FLRT1: variants seen among roughly 807,000 people sequenced by gnomAD.
FLRT1 encodes fibronectin leucine rich transmembrane protein 1.
FLRT1 carries 14 observed loss-of-function variants against 30.9 expected under a neutral mutation model. The observed-to-expected ratio is 0.45, with a 90% CI of 0.30 to 0.71. FLRT1 has a LOEUF of 0.71. Among genes scored for constraint, FLRT1 ranks in the 30% least tolerant of loss-of-function variants. The pLI is 0.08. For missense variants in FLRT1, 737 were observed against 949.2 expected (o/e 0.78, Z 2.94); for synonymous variants, 368 against 430.4 (o/e 0.85, Z 1.80).
At position 64,067,290 on chromosome 11, in the gene FLRT1, C is replaced by T. The variant is rs1168705278; in HGVS notation, c.-1038+31131C>T. On this transcript the variant is annotated intron_variant, in intron 1 of 2. Coordinates refer to ENST00000682287, the MANE Select transcript of FLRT1 (RefSeq NM_013280.5). The surrounding 1 kb of genome is among the most constrained non-coding windows in gnomAD (Gnocchi z 4.6). ...AGGGAGGGAAGGAGCATCATTAACACGACATGGCCTCCTCCCCACTGCTCA... is the reference window on the plus strand; with the variant it reads ...AGGGAGGGAAGGAGCATCATTAACATGACATGGCCTCCTCCCCACTGCTCA... 2.0e-5 allele frequency among the ~76,000 whole-genome samples: 3 copies of T among 152,158 alleles called. No homozygotes were observed. The highest frequency in any genetic ancestry group is 1.9e-4 in the East Asian group (1 of 5,182).
intron 1 of FLRT1, among the ~76,000 whole-genome samples, chr11:64,078,449 G>A (rs959087882): frequency 2.6e-5 from 4 of 152,188 alleles, no homozygotes; most frequent in Non-Finnish European, 4.4e-5. Context: ...ATCCAATTAC[G>A]CCAGGAAACA....
At chr11:64,097,123 C>A (rs1818400013) in intron 1 of FLRT1, among the ~76,000 whole-genome samples, 1 of 152,260 alleles carries the variant, frequency 6.6e-6, no homozygotes, top group Non-Finnish European at 1.5e-5. Flanking sequence ...TGTTGCTCAG[C>A]TGCACTGTGA....
intron 1 of FLRT1, among the ~76,000 whole-genome samples, chr11:64,099,838 T>C (rs1411020963): frequency 6.6e-6 from 1 of 150,584 alleles, no homozygotes; most frequent in Non-Finnish European, 1.5e-5. Context: ...GATGGATGGA[T>C]GGATGGATGA....
At chr11:64,057,018 C>G (rs888409275) in intron 1 of FLRT1, among the ~76,000 whole-genome samples, 6 of 152,194 alleles carry the variant, frequency 3.9e-5, no homozygotes, top group African/African-American at 1.4e-4. Context: ...GTGTCACCCC[C>G]CTAAGCAAGC....
chr11:64,060,167 G>A (rs1377348865), intron 1 of FLRT1, among the ~76,000 whole-genome samples: 2 of 152,256 alleles, frequency 1.3e-5, no homozygotes, highest in South Asian at 2.1e-4. Context: ...TTTAAGGCGC[G>A]GACGGCGGTG....
At chr11:64,089,273 G>A (rs1457065935) in intron 1 of FLRT1, among the ~76,000 whole-genome samples, 1 of 152,196 alleles carries the variant, frequency 6.6e-6, no homozygotes, top group Non-Finnish European at 1.5e-5. Flanking sequence ...GCTTGGTGCT[G>A]CTGTTTACCA....
chr11:64,080,826 T>C (rs2134490232), intron 1 of FLRT1, among the ~76,000 whole-genome samples: 1 of 152,146 alleles, frequency 6.6e-6, no homozygotes, highest in Admixed American at 6.5e-5. Flanking sequence ...GGGAGAACTC[T>C]TGGGGTGATG....
intron 1 of FLRT1, among the ~76,000 whole-genome samples, chr11:64,043,699 T>C (rs1461589446): frequency 6.6e-6 from 1 of 152,164 alleles, no homozygotes; most frequent in African/African-American, 2.4e-5. Flanking sequence ...TGCTAAGGAC[T>C]CTACCTTGCA....
rs1379642094 is a variant in FLRT1, at chr11:64,082,557, C to T, written c.-1037-20637C>T. Among the ~76,000 whole-genome samples the T allele has an allele frequency of 6.6e-6, 1 of 151,938 alleles. No individual in the cohort carries two copies. The highest frequency in any genetic ancestry group is 1.5e-5 in the Non-Finnish European group (1 of 67,982). Reference sequence around the variant, plus strand: ...TGGCCGTGGGAGTCAGAGCTCCAGGCGGAAGTAGGGTTCAGATTCAGGTGA... The same window carrying T: ...TGGCCGTGGGAGTCAGAGCTCCAGGTGGAAGTAGGGTTCAGATTCAGGTGA... On this transcript the variant is annotated intron_variant, in intron 1 of 2. Coordinates refer to ENST00000682287, the MANE Select transcript of FLRT1 (RefSeq NM_013280.5). The surrounding 1 kb of genome is among the most constrained non-coding windows in gnomAD (Gnocchi z 4.5).
intron 1 of FLRT1, among the ~76,000 whole-genome samples, chr11:64,070,831 T>C (rs571209596): frequency 6.6e-6 from 1 of 152,328 alleles, no homozygotes; most frequent in South Asian, 2.1e-4. Context: ...TTTTGCTCTT[T>C]CTCGTTTTGG....
chr11:64,100,331 G>A (rs1565232270), intron 1 of FLRT1, among the ~76,000 whole-genome samples: 1 of 152,214 alleles, frequency 6.6e-6, no homozygotes, highest in Non-Finnish European at 1.5e-5. Context: ...CAGTTGTGAT[G>A]TGATTGACGA....
Position 64,036,397 on chromosome 11 carries a change from C to T in FLRT1, c.-1038+238C>T, listed in dbSNP as rs1388850515. On this transcript the variant is annotated intron_variant, in intron 1 of 2. Coordinates refer to ENST00000682287, the MANE Select transcript of FLRT1 (RefSeq NM_013280.5). This position sits in a 1 kb window ranked among gnomAD's most constrained non-coding sequence, Gnocchi z 5.6. ...GCGCTGGCCCCGCCGCGGGGAGGCG[C>T]GGGGTGCGCGGCCGGCGGCTCAGCT... Among the ~76,000 whole-genome samples the T allele has an allele frequency of 6.6e-6, 1 of 152,062 alleles. No individual in the cohort carries two copies. The highest frequency in any genetic ancestry group is 1.5e-5 in the Non-Finnish European group (1 of 67,988).
chr11:64,117,507 G>T lies in FLRT1; in HGVS notation c.1240G>T (p.Ala414Ser). The change falls in exon 3 of 3, where the codon GCC becomes TCC. Residue 414 changes from alanine to serine, a missense_variant. By Grantham distance (99) the Ala-to-Ser change is moderately conservative. Transcript: ENST00000682287. ...TPQGSLFTLK[A>S]KRPGLRLPDS... ...CCAGGGTTCCCTGTTTACCCTCAAGGCCAAAAGGCCAGGGCTGCGCCTCCC... is the reference window on the plus strand; with the variant it reads ...CCAGGGTTCCCTGTTTACCCTCAAGTCCAAAAGGCCAGGGCTGCGCCTCCC... The T allele has an allele frequency of 6.2e-7, 1 of 1,609,016 alleles. No individual in the cohort carries two copies. Among genetic ancestry groups the T allele is most frequent in the Non-Finnish European group, 8.5e-7 (1 of 1,176,742 alleles).
At position 64,072,022 on chromosome 11, in the gene FLRT1, C is replaced by T. The variant is rs193116554; in HGVS notation, c.-1037-31172C>T. On this transcript the variant is annotated intron_variant, in intron 1 of 2. Coordinates refer to ENST00000682287, the MANE Select transcript of FLRT1 (RefSeq NM_013280.5). The stretch of plus-strand genomic sequence containing the variant: ...TCCAGCAGGTCGATAGCAAAACAAA[C>T]GCACTATTGACCGCCGCGCGCACTA... Among the ~76,000 whole-genome samples, 495 of 152,370 alleles carry T rather than the reference C, an allele frequency of 3.2e-3. 1 individual carries two copies. The highest frequency in any genetic ancestry group is 0.01 in the Middle Eastern group (3 of 294).
Position 64,116,316 on chromosome 11 carries a change from A to T in FLRT1, c.49A>T (p.Thr17Ser), listed in dbSNP as rs768943217. Residue 17 changes from threonine to serine, a missense_variant, in exon 3 of 3, where the codon ACT becomes TCT. Coordinates refer to ENST00000682287, the MANE Select transcript of FLRT1 (RefSeq NM_013280.5). ...TATATTTPTA[T>S]VTATVVMTTA... is the part of the protein sequence containing the mutation. Reference sequence around the variant, plus strand: ...CACTGCCACCACCACGCCCACTGCCACTGTCACGGCCACCGTTGTGATGAC... The same window carrying T: ...CACTGCCACCACCACGCCCACTGCCTCTGTCACGGCCACCGTTGTGATGAC... 18 of 1,609,048 alleles carry T rather than the reference A, an allele frequency of 1.1e-5. 1 individual carries two copies. The South Asian group carries it at 1.9e-4, about 17-fold the overall frequency.
Position 64,036,237 on chromosome 11 carries a change from G to GGGGGCCC in FLRT1, c.-1038+83_-1038+89dup, listed in dbSNP as rs1205295668. On this transcript the variant is annotated intron_variant, in intron 1 of 2. Transcript: ENST00000682287. This position sits in a 1 kb window ranked among gnomAD's most constrained non-coding sequence, Gnocchi z 5.6. ...CGCCAGAGCCGACGGGGCGGGGGCC[G>GGGGGCCC]GGGGCCCGGGGGCACCGAAGCGCCA... The GGGGGCCC allele has an allele frequency of 6.6e-6, 1 of 152,156 alleles. No individual in the cohort carries two copies. Among genetic ancestry groups the GGGGGCCC allele is most frequent in the African/African-American group, 2.4e-5 (1 of 41,430 alleles). The allele number at this position is 152,156 out of a possible 1,614,324, so 9.4% of individuals were successfully genotyped here. A position where few individuals can be genotyped will look rare whatever the true frequency, so the allele number is the denominator to read the frequency against.
intron 1 of FLRT1, among the ~76,000 whole-genome samples, chr11:64,102,159 C>T (rs1293441104): frequency 1.3e-5 from 2 of 152,236 alleles, no homozygotes; most frequent in Non-Finnish European, 2.9e-5. Context: ...CCAGAGTGAG[C>T]ACTCTCAGAT....
At chr11:64,115,795 G>A (rs146630052) in intron 2 of FLRT1, among the ~76,000 whole-genome samples, 2,122 of 152,250 alleles carry the variant, frequency 0.014, 32 homozygotes, top group South Asian at 0.09. Flanking sequence ...CATAAAACAC[G>A]CCCTAAATCC....
chr11:64,070,957 G>C (rs1944098400), intron 1 of FLRT1, among the ~76,000 whole-genome samples: 1 of 152,116 alleles, frequency 6.6e-6, no homozygotes, highest in Non-Finnish European at 1.5e-5. Flanking sequence ...AGGAGGGGCT[G>C]TCTTTATTCC....
Sources: gnomAD v4.1 joint callset for allele counts (sites outside exome capture counted in the v4.1 genomes callset) on GRCh38, gnomAD v4.1.1 for gene constraint, Gnocchi (gnomAD v3.1) non-coding constraint, MANE v1.5 for transcripts, NCBI Gene and HGNC (gene_info 2026-07-23, HGNC 2026-07-21) for gene names.